Variants in SHOC2 observed in about 807,000 individuals in gnomAD.
The protein encoded by SHOC2 is leucine-rich repeat protein SHOC-2.
A neutral mutation model predicts 50.2 loss-of-function variants in SHOC2; 4 were observed. The ratio of observed to expected loss-of-function variants is 0.08; its 90% confidence interval spans 0.04 to 0.18. The LOEUF is 0.18. Among genes scored for constraint, SHOC2 ranks in the 10% least tolerant of loss-of-function variants. The pLI is 1.00. For missense variants in SHOC2, 388 were observed against 669.6 expected, an observed-to-expected ratio of 0.58 and a Z score of 4.64; for synonymous variants, 218 against 244.5, an observed-to-expected ratio of 0.89 and a Z score of 1.01.
intron 1 of SHOC2, among the ~76,000 whole-genome samples, chr10:110,956,395 T>C (rs1847463962): frequency 6.6e-6 from 1 of 152,148 alleles, no homozygotes; most frequent in South Asian, 2.1e-4. Flanking sequence ...TTTGGTATTA[T>C]TAGTAGAGAC....
intron 5 of SHOC2, 56 bp downstream of exon 5, chr10:111,004,850 A>T: frequency 8.4e-7 from 1 of 1,186,432 alleles, no homozygotes; most frequent in Non-Finnish European, 1.2e-6. Context: ...TACTTCCACT[A>T]ATATTTATGT....
chr10:110,997,051 T>C lies in SHOC2; in HGVS notation c.842-3364T>C, dbSNP rs541696088. Among the ~76,000 whole-genome samples, 3 of 152,340 alleles carry C rather than the reference T, an allele frequency of 2.0e-5. No individual in the cohort carries two copies. In the South Asian group the frequency reaches 6.2e-4, roughly 32 times the overall value. On this transcript the variant is annotated intron_variant, in intron 3 of 8. Coordinates refer to ENST00000369452, the MANE Select transcript of SHOC2 (RefSeq NM_007373.4). ...ATTTTGTTCTTTATTTGGCAAATGG[T>C]GTATACTGTTTATTGGCATTTTCCC...
At position 110,924,262 on chromosome 10, in the gene SHOC2, C is replaced by T. The variant is rs79740043; in HGVS notation, c.-235+4605C>T. The stretch of plus-strand genomic sequence containing the variant: ...TAAGTTCAGAGTTTGTTGCATGAAC[C>T]GGACAAGTCAATAGTTAATTGTTAA... On this transcript the variant is annotated intron_variant, in intron 1 of 8. Transcript: ENST00000369452. Among the ~76,000 whole-genome samples, 412 of 152,164 alleles carry T rather than the reference C, an allele frequency of 2.7e-3. 4 individuals are homozygous for T. The highest frequency in any genetic ancestry group is 4.8e-3 in the Non-Finnish European group (325 of 68,018).
chr10:110,936,589 CTTTT>C lies in SHOC2; in HGVS notation c.-235+16944_-235+16947del, dbSNP rs376101415. On this transcript the variant is annotated intron_variant, in intron 1 of 8. Coordinates refer to ENST00000369452, the MANE Select transcript of SHOC2 (RefSeq NM_007373.4). ...GGAAAGGGCATGTCCTTTTCTTTTC[CTTTT>C]TTTTTTTTTTTAACAGTCTTTATTG... The C allele has an allele frequency of 6.1e-5, 26 of 423,394 alleles. 1 individual carries two copies. Among genetic ancestry groups the C allele is most frequent in the African/African-American group, 1.1e-4 (4 of 36,412 alleles). The allele number at this position is 423,394 out of a possible 1,614,324, so 26.2% of individuals were successfully genotyped here.
intron 4 of SHOC2, among the ~76,000 whole-genome samples, chr10:111,001,069 T>TC (rs1208731727): frequency 6.6e-6 from 1 of 151,818 alleles, no homozygotes; most frequent in Non-Finnish European, 1.5e-5. Context: ...TCTTTTTTTT[T>TC]TTTTAACACA....
chr10:110,999,563 C>A (rs530669280), intron 3 of SHOC2, among the ~76,000 whole-genome samples: 1 of 151,498 alleles, frequency 6.6e-6, no homozygotes, highest in Admixed American at 6.6e-5. Flanking sequence ...ATGGTGAAAC[C>A]CCGTCTGTAC....
At position 111,008,068 on chromosome 10, in the gene SHOC2, T is replaced by C. The variant is rs1273799413; in HGVS notation, c.1284+415T>C. On this transcript the variant is annotated intron_variant, in intron 6 of 8. Coordinates refer to ENST00000369452, the MANE Select transcript of SHOC2 (RefSeq NM_007373.4). Reference sequence around the variant, plus strand: ...ACCGACCTGCTATTTTATTTACTCATTGATTATTGTCTTTGTTGTAAATCT... The same window carrying C: ...ACCGACCTGCTATTTTATTTACTCACTGATTATTGTCTTTGTTGTAAATCT... 4.6e-5 allele frequency among the ~76,000 whole-genome samples: 7 copies of C among 150,692 alleles called. No homozygotes were observed. The East Asian group carries it at 1.4e-3, about 29-fold the overall frequency.
chr10:111,010,928 T>C, intron 8 of SHOC2, among the ~76,000 whole-genome samples: 1 of 152,334 alleles, frequency 6.6e-6, no homozygotes, highest in African/African-American at 2.4e-5. Flanking sequence ...TGTGAAATAT[T>C]CTGAATTTTG....
intron 1 of SHOC2, among the ~76,000 whole-genome samples, chr10:110,961,159 A>T (rs1847564796): frequency 1.3e-5 from 2 of 152,140 alleles, no homozygotes; most frequent in African/African-American, 4.8e-5. Context: ...TTGCAATTTT[A>T]TGCTTTTATC....
intron 3 of SHOC2, among the ~76,000 whole-genome samples, chr10:110,998,580 C>T (rs1848311201): frequency 1.3e-5 from 2 of 152,128 alleles, no homozygotes; most frequent in South Asian, 2.1e-4. Flanking sequence ...CTTAATTAGA[C>T]CCAGTAAACT....
chr10:110,922,342 T>G (rs1564698949), intron 1 of SHOC2, among the ~76,000 whole-genome samples: 1 of 152,130 alleles, frequency 6.6e-6, no homozygotes, highest in Non-Finnish European at 1.5e-5. Context: ...TGAATAAACT[T>G]GAAATTCTTT....
chr10:110,999,462 G>T (rs1256153143), intron 3 of SHOC2, among the ~76,000 whole-genome samples: 2 of 152,078 alleles, frequency 1.3e-5, no homozygotes, highest in South Asian at 4.1e-4. Context: ...GCTCAGCTGG[G>T]CGCAGTGGCT....
chr10:110,964,405 C>G lies in SHOC2; in HGVS notation c.47C>G (p.Pro16Arg), dbSNP rs760154441. 1 of 1,613,028 alleles carries G rather than the reference C, an allele frequency of 6.2e-7. No homozygotes were observed. The change falls in exon 2 of 9, where the codon CCC becomes CGC. Residue 16 changes from proline (P) to arginine (R), a missense_variant. Coordinates refer to ENST00000369452, the MANE Select transcript of SHOC2 (RefSeq NM_007373.4). This position sits in a 1 kb window ranked among gnomAD's most constrained non-coding sequence, Gnocchi z 4.9. ...GAAAAAGACTCTAAAGAAAAAGATC[C>G]CAAAGTACCATCAGCCAAGGAAAGA... ...GKEKDSKEKD[P>R]KVPSAKEREK... is the part of the protein sequence containing the mutation.
chr10:111,010,099 T>G (rs1848539952), intron 8 of SHOC2, among the ~76,000 whole-genome samples: 1 of 152,206 alleles, frequency 6.6e-6, no homozygotes, highest in Admixed American at 6.5e-5. Flanking sequence ...ATGTATAACC[T>G]CATTTTAGAA....
At chr10:110,957,802 C>G (rs1054490354) in intron 1 of SHOC2, among the ~76,000 whole-genome samples, 1 of 152,144 alleles carries the variant, frequency 6.6e-6, no homozygotes, top group African/African-American at 2.4e-5. Flanking sequence ...ATTTATCAGA[C>G]TCAGCAATTT....
chr10:110,951,685 T>C (rs1354979212), intron 1 of SHOC2: 1 of 152,172 alleles, frequency 6.6e-6, no homozygotes, highest in Non-Finnish European at 1.5e-5. Context: ...AATGTGACGT[T>C]CAGCCTTCAA....
rs2134121303 is a variant in SHOC2 at position 110,964,598 on chromosome 10, G to T, written c.240G>T (p.Gly80=). 2.5e-6 allele frequency: 4 copies of T among 1,613,980 alleles called. No homozygotes were observed. The South Asian group carries it at 4.4e-5, about 18-fold the overall frequency. Residue 80 remains glycine, a synonymous_variant, in exon 2 of 9, where the codon GGG becomes GGT. Coordinates refer to ENST00000369452, the MANE Select transcript of SHOC2 (RefSeq NM_007373.4). This position sits in a 1 kb window ranked among gnomAD's most constrained non-coding sequence, Gnocchi z 4.9. ...TCAAACGGCCAAACCCAGCACCTGG[G>T]ACTAGAAAAAAATCCAGCAATGCAG... ...NTIKRPNPAP[G]TRKKSSNAEV...
chr10:110,968,021 A>T (rs557229734), intron 2 of SHOC2, among the ~76,000 whole-genome samples: 3 of 152,142 alleles, frequency 2.0e-5, no homozygotes, highest in African/African-American at 7.2e-5. Flanking sequence ...CTCTATGTTT[A>T]ACCTTTTTGA....
At chr10:110,994,134 C>T (rs1482601079) in intron 3 of SHOC2, among the ~76,000 whole-genome samples, 3 of 151,998 alleles carry the variant, frequency 2.0e-5, no homozygotes, top group Non-Finnish European at 4.4e-5. Flanking sequence ...AGGTTAGCTG[C>T]CTCATTTTAT....
Sources: gnomAD v4.1 joint callset for allele counts (sites outside exome capture counted in the v4.1 genomes callset) on GRCh38, gnomAD v4.1.1 for gene constraint, Gnocchi (gnomAD v3.1) non-coding constraint, MANE v1.5 for transcripts, NCBI Gene and HGNC (gene_info 2026-07-23, HGNC 2026-07-21) for gene names.